Variants in PRR16 observed in about 807,000 individuals in gnomAD.
PRR16 encodes the protein proline rich 16, also known as protein Largen.
In PRR16, 6 loss-of-function variants were observed where a neutral mutation model predicts 18.2. The ratio of observed to expected loss-of-function variants is 0.33; its 90% confidence interval spans 0.18 to 0.65. The LOEUF is 0.65. PRR16 is among the 30% of genes least tolerant of loss of function. The pLI, the probability that PRR16 is intolerant of heterozygous loss-of-function variation, is 0.74. For synonymous variants in PRR16, 151 were observed against 147.8 expected (o/e 1.02, Z -0.16); for missense variants, 412 against 376.6 (o/e 1.09, Z -0.78).
At chr5:120,734,540 G>A in the PRR16 span, among the ~76,000 whole-genome samples, 7 of 80,232 alleles carry the variant, frequency 8.7e-5, no homozygotes, top group African/African-American at 1.6e-4. Context: ...ATGCTAACCC[G>A]GCTGGGATTT....
the PRR16 span, among the ~76,000 whole-genome samples, chr5:120,744,648 G>A: frequency 4.6e-5 from 7 of 152,216 alleles, no homozygotes; most frequent in South Asian, 1.5e-3. Flanking sequence ...TTTTAAAATA[G>A]AGCTCATGAC....
chr5:120,750,681 T>C, the PRR16 span, among the ~76,000 whole-genome samples: 1 of 151,864 alleles, frequency 6.6e-6, no homozygotes, highest in Non-Finnish European at 1.5e-5. Flanking sequence ...AAAAAAATTA[T>C]GGATACATAC....
chr5:120,645,312 T>C (rs7708737), intron 1 of PRR16, among the ~76,000 whole-genome samples: 149,040 of 151,426 alleles, frequency 0.98, 73,380 homozygotes, highest in East Asian at 1. Context: ...ACATGAAAGT[T>C]TGGTTACACA....
chr5:120,482,062 G>A (rs552966163), intron 1 of PRR16, among the ~76,000 whole-genome samples: 1 of 152,208 alleles, frequency 6.6e-6, no homozygotes, highest in South Asian at 2.1e-4. Context: ...TACAAAGAAT[G>A]AAAAATTTGT....
chr5:120,524,828 A>G (rs1350332363), intron 1 of PRR16, among the ~76,000 whole-genome samples: 1 of 152,110 alleles, frequency 6.6e-6, no homozygotes, highest in Non-Finnish European at 1.5e-5. Context: ...GTACCCACAC[A>G]TTTTTAAAAT....
chr5:120,781,277 A>AACAT, the PRR16 span: 1 of 152,144 alleles, frequency 6.6e-6, no homozygotes, highest in Admixed American at 6.5e-5. Context: ...ACAAGAGAAA[A>AACAT]ACATACAAAT....
chr5:120,747,540 A>T, the PRR16 span, among the ~76,000 whole-genome samples: 1 of 152,162 alleles, frequency 6.6e-6, no homozygotes, highest in African/African-American at 2.4e-5. Context: ...GGCCAGTGGT[A>T]GATATTACTG....
the PRR16 span, among the ~76,000 whole-genome samples, chr5:120,719,137 C>A: frequency 6.5e-3 from 987 of 152,004 alleles, 2 homozygotes; most frequent in Non-Finnish European, 0.01. Flanking sequence ...GCTTCAGTTA[C>A]AAGTAAAATA....
the PRR16 span, among the ~76,000 whole-genome samples, chr5:120,771,343 A>T: frequency 2.6e-5 from 4 of 152,066 alleles, no homozygotes; most frequent in Admixed American, 2.0e-4. Context: ...CAACAACCCA[A>T]ACACATTGCA....
At chr5:120,714,206 C>A in the PRR16 span, among the ~76,000 whole-genome samples, 1 of 151,832 alleles carries the variant, frequency 6.6e-6, no homozygotes, top group Non-Finnish European at 1.5e-5. Context: ...TAATATTGAG[C>A]AATTTATTAG....
intron 1 of PRR16, among the ~76,000 whole-genome samples, chr5:120,494,772 G>A (rs1183345973): frequency 2.0e-5 from 3 of 152,050 alleles, no homozygotes; most frequent in African/African-American, 7.2e-5. Context: ...TGTATACAGT[G>A]TGAGGCATAG....
the PRR16 span, among the ~76,000 whole-genome samples, chr5:120,786,661 A>G: frequency 6.6e-6 from 1 of 151,326 alleles, no homozygotes; most frequent in African/African-American, 2.4e-5. Flanking sequence ...TTTTACCAAA[A>G]TGCAAATAAA....
At chr5:120,789,671 T>TA in the PRR16 span, among the ~76,000 whole-genome samples, 1 of 152,136 alleles carries the variant, frequency 6.6e-6, no homozygotes, top group African/African-American at 2.4e-5. Flanking sequence ...TCTGAAGTTC[T>TA]AAACACTGTT....
the PRR16 span, among the ~76,000 whole-genome samples, chr5:120,761,865 C>T: frequency 6.6e-6 from 1 of 152,016 alleles, no homozygotes; most frequent in Non-Finnish European, 1.5e-5. Flanking sequence ...TCTTCATTTA[C>T]CTCCCCCCAA....
chr5:120,597,786 C>T (rs1212694813), intron 1 of PRR16, among the ~76,000 whole-genome samples: 2 of 151,878 alleles, frequency 1.3e-5, no homozygotes, highest in Admixed American at 6.6e-5. Flanking sequence ...TCCTCCATCT[C>T]CTCCTTCTAA....
the PRR16 span, among the ~76,000 whole-genome samples, chr5:120,739,374 C>T: frequency 6.6e-6 from 1 of 152,114 alleles, no homozygotes; most frequent in African/African-American, 2.4e-5. Context: ...AAAGACAAGG[C>T]TGAAACTGCA....
chr5:120,746,527 A>G, the PRR16 span, among the ~76,000 whole-genome samples: 183 of 152,234 alleles, frequency 1.2e-3, no homozygotes, highest in African/African-American at 4.3e-3. Flanking sequence ...ATTTTTCCAT[A>G]ATTTATCAGT....
chr5:120,490,331 C>A (rs1211859158), intron 1 of PRR16, among the ~76,000 whole-genome samples: 1 of 152,176 alleles, frequency 6.6e-6, no homozygotes, highest in African/African-American at 2.4e-5. Context: ...TCCCATATTT[C>A]TTGGAGGCTT....
intron 1 of PRR16, chr5:120,618,406 T>C: frequency 1.1e-6 from 1 of 901,418 alleles, no homozygotes; most frequent in African/African-American, 1.8e-5. Context: ...CTATTTTTAG[T>C]TTTGAGATTA....
Sources: gnomAD v4.1 joint callset for allele counts (sites outside exome capture counted in the v4.1 genomes callset) on GRCh38, gnomAD v4.1.1 for gene constraint, MANE v1.5 for transcripts, NCBI Gene and HGNC (gene_info 2026-07-23, HGNC 2026-07-21) for gene names.